Variants in AOPEP observed in about 807,000 individuals in gnomAD.
AOPEP encodes the protein aminopeptidase O.
A neutral mutation model predicts 98.1 loss-of-function variants in AOPEP; 77 were observed. The observed-to-expected ratio is 0.78, with a 90% CI of 0.65 to 0.95. AOPEP has a LOEUF of 0.95. Ranked by LOEUF, AOPEP falls within the 40% of genes least tolerant of loss-of-function variation. The probability of loss-of-function intolerance (pLI) is 0.00; values close to 1 mark genes in which losing one functional copy is unlikely to be tolerated. For missense variants in AOPEP, 1,024 were observed against 1,024.7 expected, an observed-to-expected ratio of 1.00 and a Z score of 0.01; for synonymous variants, 346 against 365.3, an observed-to-expected ratio of 0.95 and a Z score of 0.60.
the AOPEP span, among the ~76,000 whole-genome samples, chr9:95,139,952 A>G: frequency 1.3e-5 from 2 of 151,550 alleles, no homozygotes; most frequent in African/African-American, 2.4e-5. Context: ...ATTCTGTTCA[A>G]TACGTTAGTG....
At chr9:95,119,388 A>G in the AOPEP span, among the ~76,000 whole-genome samples, 2 of 136,218 alleles carry the variant, frequency 1.5e-5, no homozygotes, top group East Asian at 4.2e-4. Context: ...TTTAATTGAG[A>G]TGGAGTCTTG....
At chr9:94,981,528 C>A (rs1035338220) in intron 11 of AOPEP, among the ~76,000 whole-genome samples, 1 of 152,096 alleles carries the variant, frequency 6.6e-6, no homozygotes, top group African/African-American at 2.4e-5. Context: ...GGTGTCTTTG[C>A]GTCTCTTCTA....
At chr9:94,755,532 T>A (rs149000865) in intron 1 of AOPEP, among the ~76,000 whole-genome samples, 458 of 152,344 alleles carry the variant, frequency 3.0e-3, no homozygotes, top group African/African-American at 0.011. Flanking sequence ...CATGCAGAAG[T>A]GACAGTGCTC....
chr9:94,990,120 G>C (rs12685645), intron 11 of AOPEP, among the ~76,000 whole-genome samples: 1 of 152,186 alleles, frequency 6.6e-6, no homozygotes, highest in African/African-American at 2.4e-5. Flanking sequence ...TTGATGTCTT[G>C]TGTTTGCCAT....
At chr9:94,849,086 A>G (rs1353653505) in intron 5 of AOPEP, among the ~76,000 whole-genome samples, 1 of 152,218 alleles carries the variant, frequency 6.6e-6, no homozygotes, top group African/African-American at 2.4e-5. Flanking sequence ...GCCAAGTCTA[A>G]ATATTTTAAG....
At chr9:94,886,568 CAT>C (rs371188463) in intron 5 of AOPEP, among the ~76,000 whole-genome samples, 2 of 151,990 alleles carry the variant, frequency 1.3e-5, no homozygotes, top group Non-Finnish European at 2.9e-5. Flanking sequence ...TTGCAACAAA[CAT>C]ATTAGTTTCT....
the AOPEP span, chr9:95,111,500 C>A: frequency 6.2e-7 from 1 of 1,613,984 alleles, no homozygotes; most frequent in Non-Finnish European, 8.5e-7. Context: ...ATCACGGGGG[C>A]CGTAGTAGAA....
chr9:94,862,300 C>T (rs886506874), intron 5 of AOPEP, among the ~76,000 whole-genome samples: 3 of 152,188 alleles, frequency 2.0e-5, no homozygotes, highest in African/African-American at 7.2e-5. Context: ...CAGGGCGATG[C>T]TCAGGGATGT....
At position 94,961,341 on chromosome 9, in the gene AOPEP, T is replaced by G. The variant is rs181005734; in HGVS notation, c.1872+5326T>G. Among the ~76,000 whole-genome samples the G allele has an allele frequency of 6.6e-5, 10 of 152,348 alleles. No homozygotes were observed. The East Asian group carries it at 1.9e-3, about 29-fold the overall frequency. ...TATTTTTAGTCCTAGATTCTATTCTTTCCTCTTTCAATAAGTATGTCTTCA... is the reference window on the plus strand; with the variant it reads ...TATTTTTAGTCCTAGATTCTATTCTGTCCTCTTTCAATAAGTATGTCTTCA... On this transcript the variant is annotated intron_variant, in intron 9 of 16. Coordinates refer to ENST00000375315, the MANE Select transcript of AOPEP (RefSeq NM_001193329.3).
intron 5 of AOPEP, among the ~76,000 whole-genome samples, chr9:94,859,135 A>G (rs186619862): frequency 5.3e-5 from 8 of 152,132 alleles, no homozygotes; most frequent in Admixed American, 4.6e-4. Context: ...AAGACACAAG[A>G]GCTTGTTTTC....
chr9:94,874,752 G>A (rs1376212434), intron 5 of AOPEP, among the ~76,000 whole-genome samples: 3 of 152,042 alleles, frequency 2.0e-5, no homozygotes, highest in South Asian at 4.2e-4. Context: ...CACATGCTAC[G>A]ACTCAAAAAC....
At chr9:94,860,717 C>G (rs2135413733) in intron 5 of AOPEP, among the ~76,000 whole-genome samples, 1 of 152,140 alleles carries the variant, frequency 6.6e-6, no homozygotes, top group Middle Eastern at 3.4e-3. Context: ...GATGGGTGCT[C>G]CATTGACTAA....
intron 13 of AOPEP, among the ~76,000 whole-genome samples, chr9:95,049,524 A>G (rs1183332894): frequency 6.6e-6 from 1 of 152,204 alleles, no homozygotes; most frequent in Non-Finnish European, 1.5e-5. Flanking sequence ...AAATTTAAAT[A>G]ATCAGAAAGC....
chr9:94,910,818 T>C (rs75050293), intron 5 of AOPEP, among the ~76,000 whole-genome samples: 2,311 of 152,308 alleles, frequency 0.015, 63 homozygotes, highest in African/African-American at 0.053. Flanking sequence ...ATGAGCCATA[T>C]GAAATTGCCC....
chr9:94,909,540 C>T (rs756186550), intron 5 of AOPEP, among the ~76,000 whole-genome samples: 8 of 152,100 alleles, frequency 5.3e-5, no homozygotes, highest in Non-Finnish European at 7.4e-5. Flanking sequence ...AGAAAAGGAA[C>T]GATGAGGCTG....
intron 1 of AOPEP, among the ~76,000 whole-genome samples, chr9:94,758,200 C>T (rs1837487697): frequency 6.6e-6 from 1 of 152,174 alleles, no homozygotes. Flanking sequence ...CAGGAGCGCT[C>T]CAGGTCTAGC....
At chr9:94,852,681 G>A (rs899093339) in intron 5 of AOPEP, among the ~76,000 whole-genome samples, 4 of 152,204 alleles carry the variant, frequency 2.6e-5, no homozygotes, top group East Asian at 1.9e-4. Context: ...AGGTGCTTTC[G>A]CAGTTTCAGA....
chr9:94,838,283 C>CA (rs1201096457), intron 5 of AOPEP, among the ~76,000 whole-genome samples: 2 of 152,188 alleles, frequency 1.3e-5, no homozygotes, highest in East Asian at 3.8e-4. Context: ...TGGTGGGTTA[C>CA]AGGCGTGAGC....
At chr9:95,134,401 A>G in the AOPEP span, among the ~76,000 whole-genome samples, 1 of 152,152 alleles carries the variant, frequency 6.6e-6, no homozygotes, top group Non-Finnish European at 1.5e-5. Context: ...GCGAGGGTGA[A>G]CACTCCCTCC....
Sources: gnomAD v4.1 joint callset for allele counts (sites outside exome capture counted in the v4.1 genomes callset) on GRCh38, gnomAD v4.1.1 for gene constraint, MANE v1.5 for transcripts, NCBI Gene and HGNC (gene_info 2026-07-23, HGNC 2026-07-21) for gene names.